ZMYM5: variants seen among roughly 807,000 people sequenced by gnomAD.
The protein encoded by ZMYM5 is zinc finger MYM-type protein 5.
A neutral mutation model predicts 61.8 loss-of-function variants in ZMYM5; 41 were observed. The ratio of observed to expected loss-of-function variants is 0.66; its 90% CI spans 0.52 to 0.86. ZMYM5 has a LOEUF of 0.86. Ranked by LOEUF, ZMYM5 falls within the 40% of genes least tolerant of loss-of-function variation. The probability of loss-of-function intolerance (pLI) is 0.00; values close to 1 mark genes in which losing one functional copy is unlikely to be tolerated. For missense variants in ZMYM5, 706 were observed against 786.7 expected, an observed-to-expected ratio of 0.90 and a Z score of 1.23; for synonymous variants, 257 against 276.4, an observed-to-expected ratio of 0.93 and a Z score of 0.70.
intron 7 of ZMYM5, among the ~76,000 whole-genome samples, chr13:19,834,270 G>A (rs1189756578): frequency 2.0e-5 from 3 of 147,526 alleles, no homozygotes; most frequent in Non-Finnish European, 4.5e-5. Context: ...GAGCCACCAC[G>A]TCCAGCCTAT....
At chr13:19,853,616 CTTTTT>C (rs1183645892) in intron 2 of ZMYM5, among the ~76,000 whole-genome samples, 2 of 142,554 alleles carry the variant, frequency 1.4e-5, no homozygotes, top group Admixed American at 7.0e-5. Context: ...TTTTTTCTTT[CTTTTT>C]TTTTTTTGTC....
Position 19,840,994 on chromosome 13 carries a change from C to CTT in ZMYM5, c.587-2011_587-2010dup, listed in dbSNP as rs377117105. ...GCCCGGCCCACCTGGCCACTTTTTA[C>CTT]TTTTTTTTTTTTTTTTGAGACAGAG... is the stretch of plus-strand genomic sequence containing the variant. On this transcript the variant is annotated intron_variant, in intron 4 of 7. Transcript: ENST00000337963. 2.1e-3 allele frequency among the ~76,000 whole-genome samples: 283 copies of CTT among 136,722 alleles called. 3 individuals carry two copies. The highest frequency in any genetic ancestry group is 4.5e-3 in the South Asian group (19 of 4,264). 89.7% of individuals were successfully genotyped at this position (136,722 alleles called of 152,430 possible).
At chr13:19,846,571 T>G (rs574849212) in intron 4 of ZMYM5, among the ~76,000 whole-genome samples, 1 of 152,286 alleles carries the variant, frequency 6.6e-6, no homozygotes, top group African/African-American at 2.4e-5. Flanking sequence ...AGGCGAATTT[T>G]TGGAAGCCTG....
intron 2 of ZMYM5, among the ~76,000 whole-genome samples, chr13:19,858,985 A>C (rs554182183): frequency 6.6e-6 from 1 of 152,162 alleles, no homozygotes; most frequent in South Asian, 2.1e-4. Flanking sequence ...CATAAGATCT[A>C]AGTCTTGGGT....
At chr13:19,831,787 C>CAAAAAAA (rs1190448216) in intron 7 of ZMYM5, among the ~76,000 whole-genome samples, 1 of 36,682 alleles carries the variant, frequency 2.7e-5, no homozygotes, top group African/African-American at 1.4e-4. Context: ...GACTCTGTCT[C>CAAAAAAA]AAAAAAAAAA....
At chr13:19,845,981 C>G (rs1027397621) in intron 4 of ZMYM5, among the ~76,000 whole-genome samples, 6 of 152,148 alleles carry the variant, frequency 3.9e-5, no homozygotes, top group Non-Finnish European at 7.4e-5. Context: ...AAGTTTCAAT[C>G]CTATAGTTCA....
intron 4 of ZMYM5, among the ~76,000 whole-genome samples, chr13:19,846,754 C>A (rs920228908): frequency 1.3e-5 from 2 of 149,770 alleles, no homozygotes; most frequent in African/African-American, 5.0e-5. Context: ...ACAGTCCCCC[C>A]CTTTTTTTTA....
At chr13:19,847,628 T>G (rs7992220) in intron 4 of ZMYM5, among the ~76,000 whole-genome samples, 104,270 of 150,450 alleles carry the variant, frequency 0.69, 38,747 homozygotes, top group East Asian at 0.89. Flanking sequence ...GTGAAATGAA[T>G]AGTTTTAATT....
At chr13:19,847,035 C>G (rs1953097682) in intron 4 of ZMYM5, among the ~76,000 whole-genome samples, 1 of 152,060 alleles carries the variant, frequency 6.6e-6, no homozygotes, top group Admixed American at 6.6e-5. Context: ...GCAACCTAGG[C>G]CTCCCAGGTT....
chr13:19,851,701 A>G lies in ZMYM5; in HGVS notation c.480T>C (p.Leu160=). 6.4e-7 allele frequency: 1 copy of G among 1,570,810 alleles called. No individual in the cohort carries two copies. Among genetic ancestry groups the G allele is most frequent in the South Asian group, 1.2e-5 (1 of 81,784 alleles). The part of the protein sequence containing the change: ...TNDLDFSTSS[L]SRSKTKTGVR... ...TTCCTGCATTTACCTTACTTCTTGA[A>G]AGACTGGAAGTGGAGAAATCCAAAT... The change falls in exon 3 of 8, where the codon CTT becomes CTC. Residue 160 remains leucine, a synonymous_variant. Transcript: ENST00000337963.
intron 4 of ZMYM5, among the ~76,000 whole-genome samples, chr13:19,844,272 T>A (rs1952999337): frequency 6.6e-6 from 1 of 152,096 alleles, no homozygotes; most frequent in Non-Finnish European, 1.5e-5. Flanking sequence ...AATGTGCCAC[T>A]GCACTCCAGC....
chr13:19,851,616 T>C, intron 3 of ZMYM5, 73 bp downstream of exon 3: 1 of 1,543,708 alleles, frequency 6.5e-7, no homozygotes, highest in African/African-American at 1.4e-5. Context: ...GTTTCTAAGG[T>C]TGTAACATTA....
At chr13:19,843,018 G>C (rs1051092450) in intron 4 of ZMYM5, among the ~76,000 whole-genome samples, 1 of 145,810 alleles carries the variant, frequency 6.9e-6, no homozygotes, top group East Asian at 2.1e-4. Context: ...GTTTCGCTAT[G>C]TTGCCCAGTC....
chr13:19,854,054 G>C (rs1461744884), intron 2 of ZMYM5, among the ~76,000 whole-genome samples: 2 of 152,094 alleles, frequency 1.3e-5, no homozygotes, highest in African/African-American at 4.8e-5. Flanking sequence ...TCTATCGCCA[G>C]GCCAGAGTGC....
intron 3 of ZMYM5, 82 bp from the exon 4 acceptor site, chr13:19,851,530 G>C: frequency 6.4e-7 from 1 of 1,568,254 alleles, no homozygotes; most frequent in Non-Finnish European, 8.8e-7. Flanking sequence ...CATCTCCCAA[G>C]TTGGTATTCT....
At chr13:19,849,917 G>A (rs1264931681) in intron 4 of ZMYM5, among the ~76,000 whole-genome samples, 1 of 151,844 alleles carries the variant, frequency 6.6e-6, no homozygotes, top group African/African-American at 2.4e-5. Context: ...GGAGGCAGAG[G>A]TTGCAGTGAG....
intron 7 of ZMYM5, among the ~76,000 whole-genome samples, chr13:19,830,692 C>G (rs1297008114): frequency 6.6e-6 from 1 of 151,934 alleles, no homozygotes; most frequent in Non-Finnish European, 1.5e-5. Flanking sequence ...TGTCACCACA[C>G]CTGGCTAATT....
At chr13:19,831,200 C>A (rs1445099110) in intron 7 of ZMYM5, among the ~76,000 whole-genome samples, 1 of 150,760 alleles carries the variant, frequency 6.6e-6, no homozygotes, top group Non-Finnish European at 1.5e-5. Flanking sequence ...AATCACAGCT[C>A]ACTGCAGTCT....
At chr13:19,827,030 A>G (rs542199320) in intron 7 of ZMYM5, among the ~76,000 whole-genome samples, 1 of 152,322 alleles carries the variant, frequency 6.6e-6, no homozygotes, top group Non-Finnish European at 1.5e-5. Flanking sequence ...ATGTTACAGA[A>G]GAGGCAAATT....
Sources: gnomAD v4.1 joint callset for allele counts (sites outside exome capture counted in the v4.1 genomes callset) on GRCh38, gnomAD v4.1.1 for gene constraint, MANE v1.5 for transcripts, NCBI Gene and HGNC (gene_info 2026-07-23, HGNC 2026-07-21) for gene names.